CSMD1: variants seen among roughly 807,000 people sequenced by gnomAD.
The protein encoded by CSMD1 is CUB and Sushi multiple domains 1, also known as CUB and sushi domain-containing protein 1.
A neutral mutation model predicts 417.5 loss-of-function variants in CSMD1; 213 were observed. The observed-to-expected ratio is 0.51, with a 90% CI of 0.46 to 0.57. CSMD1 has a LOEUF of 0.57. CSMD1 is among the 20% of genes least tolerant of loss of function. CSMD1 has a pLI of 0.00. For missense variants in CSMD1, 6,923 were observed against 4,529.7 expected, an observed-to-expected ratio of 1.53 and a Z score of -15.17; for synonymous variants, 2,862 against 1,736.8, an observed-to-expected ratio of 1.65 and a Z score of -16.11.
chr8:4,318,163 A>C (rs999657026), intron 3 of CSMD1, among the ~76,000 whole-genome samples: 3 of 152,130 alleles, frequency 2.0e-5, no homozygotes, highest in Admixed American at 2.0e-4. Context: ...TGAACATTCT[A>C]ATATTGTTAC....
At chr8:3,907,687 C>T (rs2129137536) in intron 5 of CSMD1, among the ~76,000 whole-genome samples, 1 of 152,260 alleles carries the variant, frequency 6.6e-6, no homozygotes, top group African/African-American at 2.4e-5. Flanking sequence ...ATCCTGAGAG[C>T]AATGTGGACT....
rs147421591 is a variant in CSMD1, at chr8:4,433,403, A to G, written c.303-13338T>C. 1.9e-3 allele frequency among the ~76,000 whole-genome samples: 293 copies of G among 152,202 alleles called. 1 individual carries two copies. Among genetic ancestry groups the G allele is most frequent in the African/African-American group, 6.7e-3 (277 of 41,510 alleles). ...GACATCATTACATAAATTTCTACTA[A>G]AAGAATCAACCTTTGAACCAGGAAT... On this transcript the variant is annotated intron_variant, in intron 2 of 69. Coordinates refer to ENST00000635120, the MANE Select transcript of CSMD1 (RefSeq NM_033225.6).
intron 1 of CSMD1, among the ~76,000 whole-genome samples, chr8:4,650,347 G>GAAAAAAAA (rs61642390): frequency 1.0e-4 from 8 of 78,260 alleles, no homozygotes; most frequent in African/African-American, 3.0e-4. Flanking sequence ...TCCGTCTCAA[G>GAAAAAAAA]AAAAAAAAAA....
chr8:3,449,456 T>C (rs1815545960), intron 12 of CSMD1, among the ~76,000 whole-genome samples: 1 of 152,046 alleles, frequency 6.6e-6, no homozygotes, highest in South Asian at 2.1e-4. Flanking sequence ...GGAAAGTGAA[T>C]TTTTTCTTAT....
At chr8:3,256,958 TGAGAA>T (rs1397989922) in intron 26 of CSMD1, among the ~76,000 whole-genome samples, 5 of 152,224 alleles carry the variant, frequency 3.3e-5, no homozygotes, top group Admixed American at 3.3e-4. Context: ...CTCAGTAAAT[TGAGAA>T]GAGAAAATAA....
At chr8:4,728,870 A>C (rs1047613809) in intron 1 of CSMD1, among the ~76,000 whole-genome samples, 1 of 152,222 alleles carries the variant, frequency 6.6e-6, no homozygotes, top group African/African-American at 2.4e-5. Flanking sequence ...AAAGAGGGGA[A>C]GGGGAGAATT....
chr8:3,747,664 T>A (rs1287442729), intron 6 of CSMD1, among the ~76,000 whole-genome samples: 1 of 152,178 alleles, frequency 6.6e-6, no homozygotes, highest in Admixed American at 6.5e-5. Context: ...ACGTTCTCTG[T>A]ACCTGTTGTG....
intron 1 of CSMD1, among the ~76,000 whole-genome samples, chr8:4,932,935 G>T (rs554054615): frequency 1.8e-4 from 28 of 152,158 alleles, no homozygotes; most frequent in African/African-American, 6.3e-4. Context: ...AATTATTATA[G>T]GTACATAACA....
At chr8:3,955,734 GT>G (rs1811896590) in intron 5 of CSMD1, among the ~76,000 whole-genome samples, 1 of 103,016 alleles carries the variant, frequency 9.7e-6, no homozygotes, top group Admixed American at 1.3e-4. Context: ...ACTGCCTCAA[GT>G]AAGAAAAAAA....
intron 2 of CSMD1, among the ~76,000 whole-genome samples, chr8:4,523,368 T>C (rs538831458): frequency 1.1e-3 from 161 of 152,338 alleles, no homozygotes; most frequent in African/African-American, 3.6e-3. Flanking sequence ...TGACTTTTTG[T>C]TGTAGCTGTT....
At chr8:3,449,142 AT>A (rs1306716635) in intron 12 of CSMD1, among the ~76,000 whole-genome samples, 1 of 152,228 alleles carries the variant, frequency 6.6e-6, no homozygotes, top group Non-Finnish European at 1.5e-5. Flanking sequence ...AATACACTTA[AT>A]CTTTGAGTTT....
intron 1 of CSMD1, among the ~76,000 whole-genome samples, chr8:4,883,736 TTTG>T (rs1214143428): frequency 6.6e-6 from 1 of 152,086 alleles, no homozygotes; most frequent in African/African-American, 2.4e-5. Flanking sequence ...TTGATGGGCA[TTTG>T]TTATTTTTTC....
chr8:3,456,202 C>G (rs902886574), intron 12 of CSMD1, among the ~76,000 whole-genome samples: 1 of 152,156 alleles, frequency 6.6e-6, no homozygotes, highest in African/African-American at 2.4e-5. Flanking sequence ...TTCCAGGTGC[C>G]GTCTGTCACC....
At chr8:3,048,692 A>G (rs1444167743) in intron 50 of CSMD1, among the ~76,000 whole-genome samples, 1 of 152,152 alleles carries the variant, frequency 6.6e-6, no homozygotes, top group African/African-American at 2.4e-5. Flanking sequence ...TTGTAGATAC[A>G]AAAACAGAGG....
intron 11 of CSMD1, among the ~76,000 whole-genome samples, chr8:3,477,149 T>G (rs1817480288): frequency 6.6e-6 from 1 of 152,148 alleles, no homozygotes; most frequent in Admixed American, 6.5e-5. Context: ...TGAAGAAAAA[T>G]TCTGCATGTG....
intron 4 of CSMD1, among the ~76,000 whole-genome samples, chr8:4,002,902 G>A (rs937027995): frequency 2.0e-5 from 3 of 151,954 alleles, no homozygotes; most frequent in African/African-American, 7.3e-5. Context: ...TATAATATAT[G>A]GTCTCAAATT....
intron 10 of CSMD1, among the ~76,000 whole-genome samples, chr8:3,557,023 G>T (rs1007072537): frequency 6.6e-6 from 1 of 152,158 alleles, no homozygotes; most frequent in Non-Finnish European, 1.5e-5. Flanking sequence ...CTGCACTTTG[G>T]TGGAAACTGC....
chr8:4,167,860 G>C (rs528297380), intron 3 of CSMD1, among the ~76,000 whole-genome samples: 217 of 152,166 alleles, frequency 1.4e-3, no homozygotes, highest in South Asian at 3.1e-3. Context: ...AGACATGATG[G>C]CTTAGGCCTG....
chr8:4,125,668 T>C (rs1390014204), intron 3 of CSMD1, among the ~76,000 whole-genome samples: 1 of 152,210 alleles, frequency 6.6e-6, no homozygotes, highest in Non-Finnish European at 1.5e-5. Context: ...TTCTAACCTT[T>C]AAGTTGTCCT....
Sources: gnomAD v4.1 joint callset for allele counts (sites outside exome capture counted in the v4.1 genomes callset) on GRCh38, gnomAD v4.1.1 for gene constraint, MANE v1.5 for transcripts, NCBI Gene and HGNC (gene_info 2026-07-23, HGNC 2026-07-21) for gene names.